Variants in KCNH6 observed in about 807,000 individuals in gnomAD.
The protein encoded by KCNH6 is potassium voltage-gated channel subfamily H member 6.
Under a neutral mutation model 83.4 loss-of-function variants are expected in KCNH6, and 81 were observed. The observed-to-expected ratio is 0.97, with a 90% CI of 0.81 to 1.17. The LOEUF (loss-of-function observed/expected upper bound fraction) is 1.17, where lower values mean the gene tolerates loss of function less well. Ranked by LOEUF, KCNH6 falls within the 50% of genes most tolerant of loss-of-function variation. The pLI is 0.00. For missense variants in KCNH6, 1,203 were observed against 1,290.5 expected (o/e 0.93, Z 1.04); for synonymous variants, 503 against 545.6 (o/e 0.92, Z 1.09).
rs949865953 is a variant in KCNH6 at position 63,529,941 on chromosome 17, C to T, written c.308-150C>T. The T allele has an allele frequency of 3.7e-6, 3 of 804,304 alleles. No homozygotes were observed. The African/African-American group carries it at 5.2e-5, about 14-fold the overall frequency. The allele number at this position is 804,304 out of a possible 1,614,324, so 49.8% of individuals were successfully genotyped here. A position where few individuals can be genotyped will look rare whatever the true frequency, so the allele number is the denominator to read the frequency against. ...AGCACCAGCTGAGCAGCCTCACCCA[C>T]CCTCTGCCCAGTATCTCTGGTCACT... On this transcript the variant is annotated intron_variant, in intron 2 of 12. Coordinates refer to ENST00000314672, the MANE Select transcript of KCNH6 (RefSeq NM_001278919.2).
At chr17:63,544,446 A>G (rs986648834) in intron 11 of KCNH6, 35 bp downstream of exon 11, 1 of 1,466,896 alleles carries the variant, frequency 6.8e-7, no homozygotes, top group Non-Finnish European at 9.0e-7. Context: ...GGGGCTGGTC[A>G]TGGGTAGCCC....
At chr17:63,526,877 C>T (rs1020262680) in intron 2 of KCNH6, among the ~76,000 whole-genome samples, 3 of 152,266 alleles carry the variant, frequency 2.0e-5, no homozygotes, top group East Asian at 3.9e-4. Context: ...AAAAATACCC[C>T]GGGAGACATC....
chr17:63,539,666 C>A (rs1432679823), intron 8 of KCNH6, among the ~76,000 whole-genome samples: 1 of 152,220 alleles, frequency 6.6e-6, no homozygotes, highest in Non-Finnish European at 1.5e-5. Flanking sequence ...TTCATTCCTG[C>A]CCACTGTCCA....
At chr17:63,536,123 A>G (rs748155627) in intron 6 of KCNH6, 55 bp downstream of exon 6, 6 of 1,498,042 alleles carry the variant, frequency 4.0e-6, no homozygotes, top group Non-Finnish European at 4.6e-6. Flanking sequence ...TACCCGTGAA[A>G]TTTTATGTGT....
intron 11 of KCNH6, 64 bp downstream of exon 11, chr17:63,544,475 C>T: frequency 1.4e-6 from 2 of 1,385,952 alleles, no homozygotes; most frequent in Non-Finnish European, 9.5e-7. Flanking sequence ...GGCTCAGACA[C>T]ATCACAGGGT....
intron 10 of KCNH6, 93 bp from the exon 11 acceptor site, chr17:63,544,156 G>A: frequency 6.3e-7 from 1 of 1,599,962 alleles, no homozygotes; most frequent in Non-Finnish European, 8.6e-7. Context: ...GTGTCCCCAG[G>A]GCAGGTAGGG....
intron 6 of KCNH6, among the ~76,000 whole-genome samples, chr17:63,537,664 TG>T (rs1208232130): frequency 6.6e-6 from 1 of 152,222 alleles, no homozygotes; most frequent in East Asian, 1.9e-4. Context: ...CTCGAACTCC[TG>T]ACCTCAGGTG....
intron 4 of KCNH6, among the ~76,000 whole-genome samples, 172 bp downstream of exon 4, chr17:63,530,714 C>G (rs1013199977): frequency 2.0e-5 from 3 of 152,204 alleles, no homozygotes; most frequent in African/African-American, 4.8e-5. Flanking sequence ...GACCTAAAGA[C>G]CTGAAGGCCT....
chr17:63,546,854 G>A (rs564573417), downstream of KCNH6: 2 of 152,360 alleles, frequency 1.3e-5, no homozygotes, highest in South Asian at 2.1e-4. Context: ...CCTGAAGGTG[G>A]TTCTGCTGGG....
rs1366746327 is a variant in KCNH6, at chr17:63,535,054, G to A, written c.1102-615G>A. Among the ~76,000 whole-genome samples, 2 of 152,024 alleles carry A rather than the reference G, an allele frequency of 1.3e-5. No individual in the cohort carries two copies. Among genetic ancestry groups the A allele is most frequent in the South Asian group, 2.1e-4 (1 of 4,816 alleles). On this transcript the variant is annotated intron_variant, in intron 5 of 12. Coordinates refer to ENST00000314672, the MANE Select transcript of KCNH6 (RefSeq NM_001278919.2). This position sits in a 1 kb window ranked among gnomAD's most constrained non-coding sequence, Gnocchi z 4.9. ...CAGCTGCCACAGCGACTTTCAGATC[G>A]CCTACCTGACCCTGTGTTCCACCCT...
At chr17:63,524,951 C>T (rs1028972618) in intron 2 of KCNH6, among the ~76,000 whole-genome samples, 6 of 152,156 alleles carry the variant, frequency 3.9e-5, no homozygotes, top group African/African-American at 1.4e-4. Context: ...GAGCTGAAGA[C>T]AGATCTCAGC....
chr17:63,535,791 C>A lies in KCNH6; in HGVS notation c.1224C>A (p.Phe408Leu). 1 of 1,614,262 alleles carries A rather than the reference C, an allele frequency of 6.2e-7. No homozygotes were observed. Among genetic ancestry groups the A allele is most frequent in the Non-Finnish European group, 8.5e-7 (1 of 1,180,052 alleles). Residue 408 changes from phenylalanine to leucine, a missense_variant, in exon 6 of 13, where the codon TTC becomes TTA. Transcript: ENST00000314672. The surrounding 1 kb of genome is among the most constrained non-coding windows in gnomAD (Gnocchi z 4.9). ...TGCTCTTCTTGCTCATGTGCACCTT[C>A]GCGCTCATAGCGCACTGGCTGGCCT... ...AAVLFLLMCT[F>L]ALIAHWLACI...
intron 8 of KCNH6, among the ~76,000 whole-genome samples, chr17:63,540,306 G>A (rs1006141400): frequency 4.6e-5 from 7 of 152,178 alleles, no homozygotes; most frequent in Admixed American, 3.9e-4. Flanking sequence ...GGTGGCGGGT[G>A]CCTGTAATCC....
rs2032272815 is a variant in KCNH6, at chr17:63,533,736, C to G, written c.676-150C>G. ...TAGGAACTTGCCTTCTCAGACACCCCCCACCCCATCTCTCCCTCATCCCCT... is the reference window on the plus strand; with the variant it reads ...TAGGAACTTGCCTTCTCAGACACCCGCCACCCCATCTCTCCCTCATCCCCT... On this transcript the variant is annotated intron_variant, in intron 4 of 12. Transcript: ENST00000314672. The surrounding 1 kb of genome is among the most constrained non-coding windows in gnomAD (Gnocchi z 4.1). 1 of 646,792 alleles carries G rather than the reference C, an allele frequency of 1.5e-6. No homozygotes were observed. The highest frequency in any genetic ancestry group is 2.7e-6 in the Non-Finnish European group (1 of 374,524). 40.1% of individuals were successfully genotyped at this position (646,792 alleles called of 1,614,324 possible).
intron 11 of KCNH6, 132 bp from the exon 12 acceptor site, chr17:63,544,946 G>A (rs1456903543): frequency 1.2e-6 from 1 of 865,728 alleles, no homozygotes; most frequent in East Asian, 2.4e-5. Context: ...TCCCAGTAAG[G>A]AAATAGCTTC....
rs1336069215 is a variant in KCNH6, at chr17:63,536,171, A to C, written c.1501+103A>C. ...AGATAGAACATAACACATAGCAACA[A>C]TTCATGCAGTACACTGATCCTAAGT... On this transcript the variant is annotated intron_variant, in intron 6 of 12. Coordinates refer to ENST00000314672, the MANE Select transcript of KCNH6 (RefSeq NM_001278919.2). The C allele has an allele frequency of 2.7e-5, 27 of 1,017,490 alleles. No individual in the cohort carries two copies. The East Asian group carries it at 6.0e-4, about 22-fold the overall frequency. The allele number at this position is 1,017,490 out of a possible 1,614,324, so 63.0% of individuals were successfully genotyped here. A position where few individuals can be genotyped will look rare whatever the true frequency, so the allele number is the denominator to read the frequency against.
Position 63,538,772 on chromosome 17 carries a change from C to G in KCNH6, c.1954+110C>G. On this transcript the variant is annotated intron_variant, in intron 8 of 12. Transcript: ENST00000314672. This position sits in a 1 kb window ranked among gnomAD's most constrained non-coding sequence, Gnocchi z 4.0. ...CTTCCTGATGAGGATTTTACTTTTA[C>G]TGGCAGCCACTTGCACAGCATGTGC... 1.7e-6 allele frequency: 2 copies of G among 1,152,938 alleles called. No individual in the cohort carries two copies. Among genetic ancestry groups the G allele is most frequent in the Non-Finnish European group, 2.4e-6 (2 of 820,360 alleles). The allele number at this position is 1,152,938 out of a possible 1,614,324, so 71.4% of individuals were successfully genotyped here. A position where few individuals can be genotyped will look rare whatever the true frequency, so the allele number is the denominator to read the frequency against.
At position 63,538,299 on chromosome 17, in the gene KCNH6, TG is replaced by T; in HGVS notation, c.1701+42del. 6.2e-7 allele frequency: 1 copy of T among 1,608,828 alleles called. No individual in the cohort carries two copies. Among genetic ancestry groups the T allele is most frequent in the African/African-American group, 1.3e-5 (1 of 74,836 alleles). ...GCCGCTCCGGCTAATGCCCCGGGCG[TG>T]GGGGGGAGCCAAGATCCTGCGGGGG... On this transcript the variant is annotated intron_variant, in intron 7 of 12. Coordinates refer to ENST00000314672, the MANE Select transcript of KCNH6 (RefSeq NM_001278919.2). This position sits in a 1 kb window ranked among gnomAD's most constrained non-coding sequence, Gnocchi z 4.0.
rs900648410 is a variant in KCNH6, at chr17:63,535,971, C to T, written c.1404C>T (p.Tyr468=). ...AGGACAAGTATGTCACAGCCCTCTA[C>T]TTCACCTTCAGCAGCCTCACCAGCG... The part of the protein sequence containing the change: ...SVQDKYVTAL[Y]FTFSSLTSVG... The change falls in exon 6 of 13, where the codon TAC becomes TAT. Residue 468 remains tyrosine (Y), a synonymous_variant. Coordinates refer to ENST00000314672, the MANE Select transcript of KCNH6 (RefSeq NM_001278919.2). This position sits in a 1 kb window ranked among gnomAD's most constrained non-coding sequence, Gnocchi z 4.9. 9 of 1,613,796 alleles carry T rather than the reference C, an allele frequency of 5.6e-6. No homozygotes were observed. The highest frequency in any genetic ancestry group is 7.6e-6 in the Non-Finnish European group (9 of 1,180,060).
Sources: allele counts gnomAD v4.1 joint callset (sites outside exome capture counted in the v4.1 genomes callset), GRCh38; gene constraint gnomAD v4.1.1; non-coding constraint Gnocchi (gnomAD v3.1); transcripts MANE v1.5; gene names NCBI Gene and HGNC (gene_info 2026-07-23, HGNC 2026-07-21).